Variants in FBRSL1 observed in about 807,000 individuals in gnomAD.
The protein encoded by FBRSL1 is fibrosin like 1.
In FBRSL1, 51 loss-of-function variants were observed where a neutral mutation model predicts 89.6. The ratio of observed to expected loss-of-function variants is 0.57; its 90% CI spans 0.45 to 0.72. The LOEUF (loss-of-function observed/expected upper bound fraction) is 0.72. Among genes scored for constraint, FBRSL1 ranks in the 30% least tolerant of loss-of-function variants. FBRSL1 has a pLI of 0.00. For missense variants in FBRSL1, 1,618 were observed against 1,451.8 expected, an observed-to-expected ratio of 1.11 and a Z score of -1.86; for synonymous variants, 779 against 681.1, an observed-to-expected ratio of 1.14 and a Z score of -2.24.
At chr12:132,547,709 C>T (rs1305289880) in intron 4 of FBRSL1, among the ~76,000 whole-genome samples, 1 of 152,226 alleles carries the variant, frequency 6.6e-6, no homozygotes, top group South Asian at 2.1e-4. Context: ...CCAGTGAGGG[C>T]TCCTCTCGGG....
chr12:132,508,312 G>A lies in FBRSL1; in HGVS notation c.451G>A (p.Asp151Asn), dbSNP rs529711643. 1.9e-5 allele frequency: 29 copies of A among 1,546,810 alleles called. No homozygotes were observed. Among genetic ancestry groups the A allele is most frequent in the South Asian group, 4.8e-5 (4 of 83,636 alleles). ...SPGQDLEPACDGARKVPLQPS... is the reference protein window; with the variant it reads ...SPGQDLEPACNGARKVPLQPS... ...CGGGCAGGACCTCGAACCCGCCTGC[G>A]ATGGGGCGAGAAAGGTCCCACTGCA... Residue 151 changes from aspartate to asparagine, a missense_variant, in exon 2 of 19, where the codon GAT becomes AAT. Physicochemically the swap from Asp to Asn is conservative, Grantham distance 23. Coordinates refer to ENST00000680143, the MANE Select transcript of FBRSL1 (RefSeq NM_001367871.1).
chr12:132,551,906 T>C (rs1014813722), intron 5 of FBRSL1: 4 of 291,682 alleles, frequency 1.4e-5, no homozygotes, highest in African/African-American at 8.7e-5. Context: ...TCGCTCCTCC[T>C]GCTGCCGGGG....
chr12:132,552,129 T>G (rs1198208397), intron 5 of FBRSL1: 5 of 187,246 alleles, frequency 2.7e-5, no homozygotes, highest in African/African-American at 9.3e-5. Context: ...GGGGCCACAG[T>G]GGGGCCTGGG....
chr12:132,538,610 G>C (rs1420796224), intron 4 of FBRSL1, among the ~76,000 whole-genome samples: 1 of 152,200 alleles, frequency 6.6e-6, no homozygotes, highest in African/African-American at 2.4e-5. Flanking sequence ...ACAGCCCATG[G>C]GGCCTTGGCA....
chr12:132,505,625 G>A (rs777094579), intron 1 of FBRSL1, among the ~76,000 whole-genome samples: 11 of 152,242 alleles, frequency 7.2e-5, no homozygotes, highest in Non-Finnish European at 1.6e-4. Flanking sequence ...CTGAGCGACT[G>A]GGCAGAGTGG....
chr12:132,490,711 G>A lies in FBRSL1; in HGVS notation c.141G>A (p.Ala47=). ...EPEPSPGKEN[A]GLRGAPPRGA... is the part of the protein sequence containing the mutation. ...AGCCCAGCCCCGGCAAGGAGAACGC[G>A]GGCCTCCGCGGCGCGCCCCCCCGAG... The change falls in exon 1 of 19, where the codon GCG becomes GCA. Residue 47 remains alanine (A), a synonymous_variant. Transcript: ENST00000680143. The A allele has an allele frequency of 1.0e-6, 1 of 987,868 alleles. No homozygotes were observed. Among genetic ancestry groups the A allele is most frequent in the East Asian group, 1.1e-4 (1 of 8,774 alleles). 61.2% of individuals were successfully genotyped at this position (987,868 alleles called of 1,614,324 possible). A position where few individuals can be genotyped will look rare whatever the true frequency, so the allele number is the denominator to read the frequency against.
chr12:132,517,720 G>C (rs948282168), intron 2 of FBRSL1, among the ~76,000 whole-genome samples: 4 of 152,224 alleles, frequency 2.6e-5, no homozygotes, highest in Non-Finnish European at 5.9e-5. Flanking sequence ...GGGGTGGGCA[G>C]ACAGGGCTAA....
At chr12:132,509,997 C>T in intron 2 of FBRSL1, 3 of 1,231,666 alleles carry the variant, frequency 2.4e-6, no homozygotes, top group South Asian at 8.2e-5. Context: ...GCTGCTGCGC[C>T]CCAGGCAGCC....
At chr12:132,531,541 C>G (rs961603730) in intron 4 of FBRSL1, among the ~76,000 whole-genome samples, 4 of 140,146 alleles carry the variant, frequency 2.9e-5, no homozygotes, top group African/African-American at 7.6e-5. Flanking sequence ...CTCTGGGCCT[C>G]TGTGTGTGCG....
At position 132,581,756 on chromosome 12, in the gene FBRSL1, C is replaced by A. The variant is rs780218562; in HGVS notation, c.1928C>A (p.Pro643Gln). 2 of 1,550,122 alleles carry A rather than the reference C, an allele frequency of 1.3e-6. No homozygotes were observed. The highest frequency in any genetic ancestry group is 2.4e-5 in the South Asian group (2 of 84,060). ...GCCCCCACAGACCCTTTCAGCAGAC[C>A]GAGCACCTTTGGGGGCCTGGGCAGC... is the stretch of plus-strand genomic sequence containing the variant. Reference protein sequence around the residue: ...TGPLTDPFSRPSTFGGLGSLS... With the variant: ...TGPLTDPFSRQSTFGGLGSLS... The change falls in exon 17 of 19, where the codon CCG (proline) becomes CAG (glutamine). Residue 643 changes from proline (P) to glutamine (Q), a missense_variant. Physicochemically the swap from Pro to Gln is moderately conservative, Grantham distance 76 (BLOSUM62 -1). Coordinates refer to ENST00000680143, the MANE Select transcript of FBRSL1 (RefSeq NM_001367871.1).
At chr12:132,565,532 T>C (rs5023078) in intron 5 of FBRSL1, 28,612 of 151,504 alleles carry the variant, frequency 0.19, 3,773 homozygotes, top group African/African-American at 0.37. Flanking sequence ...AGTGTGCTCA[T>C]GTACACGTAC....
chr12:132,544,308 G>T (rs1049254342), intron 4 of FBRSL1, among the ~76,000 whole-genome samples: 2 of 152,162 alleles, frequency 1.3e-5, no homozygotes, highest in African/African-American at 4.8e-5. Flanking sequence ...ATGGTACAGG[G>T]AGCTGCTGCC....
intron 2 of FBRSL1, chr12:132,510,170 G>A: frequency 8.1e-7 from 1 of 1,231,460 alleles, no homozygotes; most frequent in Non-Finnish European, 1.0e-6. Context: ...AGCCCCTGCG[G>A]CCGCTCATGG....
rs779783064 is a variant in FBRSL1 at position 132,572,494 on chromosome 12, GC to G, written c.1435-26del. 1.4e-5 allele frequency: 21 copies of G among 1,519,868 alleles called. 1 individual carries two copies. The highest frequency in any genetic ancestry group is 1.1e-4 in the South Asian group (9 of 83,410). 94.1% of individuals were successfully genotyped at this position (1,519,868 alleles called of 1,614,324 possible). ...GGCAGAGGGTGGGGTGAGGACTTGG[GC>G]CCCCCCTCCATCCGCTCTCCTTCTC... is the stretch of plus-strand genomic sequence containing the variant. On this transcript the variant is annotated intron_variant, in intron 10 of 18. Transcript: ENST00000680143.
rs547629438 is a variant in FBRSL1, at chr12:132,541,554, G to C, written c.616-6449G>C. The stretch of plus-strand genomic sequence containing the variant: ...ATGCAGGGGAAGGGAAGTGGAGCCT[G>C]GGCTAAGCCCACATGGTGGAGGGGT... On this transcript the variant is annotated intron_variant, in intron 4 of 18. Transcript: ENST00000680143. Among the ~76,000 whole-genome samples the C allele has an allele frequency of 6.4e-3, 973 of 152,364 alleles. 5 individuals are homozygous for C. The highest frequency in any genetic ancestry group is 9.6e-3 in the Non-Finnish European group (653 of 68,024).
rs147911213 is a variant in FBRSL1, at chr12:132,535,066, C to T, written c.615+7078C>T. ...CTGCTGGAGAGGGCCAGGCCAGAGT[C>T]TGGGGTGCCCATCAAGCTGAAATCC... On this transcript the variant is annotated intron_variant, in intron 4 of 18. Transcript: ENST00000680143. Among the ~76,000 whole-genome samples the T allele has an allele frequency of 7.0e-3, 1,066 of 152,368 alleles. 2 individuals are homozygous for T. The highest frequency in any genetic ancestry group is 0.011 in the Non-Finnish European group (781 of 68,036).
intron 4 of FBRSL1, among the ~76,000 whole-genome samples, chr12:132,542,447 G>A (rs946023586): frequency 6.6e-6 from 1 of 152,220 alleles, no homozygotes; most frequent in Non-Finnish European, 1.5e-5. Context: ...TGTTGTTGGG[G>A]TGTTTTTTCT....
At position 132,583,919 on chromosome 12, in the gene FBRSL1, G is replaced by T. The variant is rs1375553237; in HGVS notation, c.*141G>T. The T allele has an allele frequency of 2.9e-6, 1 of 342,572 alleles. No individual in the cohort carries two copies. The highest frequency in any genetic ancestry group is 4.9e-6 in the Non-Finnish European group (1 of 205,082). 21.2% of individuals were successfully genotyped at this position (342,572 alleles called of 1,614,324 possible). ...GCAGCCTGCGGAGGCGGGGACTTGG[G>T]TGTCGGCTTTTCTGAGGGTGATCTT... On this transcript the variant is annotated 3_prime_UTR_variant, in exon 19 of 19. Transcript: ENST00000680143.
At chr12:132,581,980 C>G (rs2040787619) in intron 17 of FBRSL1, 82 bp from the exon 18 acceptor site, 7 of 1,359,552 alleles carry the variant, frequency 5.1e-6, no homozygotes, top group Non-Finnish European at 7.0e-6. Context: ...TGGGACCCTT[C>G]TAAAACCCCT....
Sources: gnomAD v4.1 joint callset for allele counts (sites outside exome capture counted in the v4.1 genomes callset) on GRCh38, gnomAD v4.1.1 for gene constraint, MANE v1.5 for transcripts, NCBI Gene and HGNC (gene_info 2026-07-23, HGNC 2026-07-21) for gene names.